The following FOXP2 variants were observed in gnomAD, a reference collection of about 807,000 sequenced individuals.
The protein encoded by FOXP2 is forkhead box protein P2.
FOXP2 carries 12 observed loss-of-function variants against 115.8 expected under a neutral mutation model. That is an observed-to-expected ratio of 0.10 (90% CI 0.07 to 0.17). FOXP2 has a LOEUF of 0.17. Ranked by LOEUF, FOXP2 falls within the 10% of genes least tolerant of loss-of-function variation. The pLI is 1.00. For synonymous variants in FOXP2, 328 were observed against 297.7 expected (o/e 1.10, Z -1.05); for missense variants, 629 against 843.5 (o/e 0.75, Z 3.15).
chr7:114,158,648 T>A (rs978040098), upstream of FOXP2, among the ~76,000 whole-genome samples: 1 of 152,174 alleles, frequency 6.6e-6, no homozygotes, highest in Admixed American at 6.6e-5. Flanking sequence ...CCTTATGTTG[T>A]ATGTGATATT....
chr7:114,653,496 G>A (rs1000405334), intron 9 of FOXP2: 1 of 265,376 alleles, frequency 3.8e-6, no homozygotes, highest in Admixed American at 4.9e-5. Context: ...GACCTCAGTG[G>A]GAATGCATGA....
At chr7:114,233,426 C>T (rs1337200162) in intron 1 of FOXP2, among the ~76,000 whole-genome samples, 1 of 152,082 alleles carries the variant, frequency 6.6e-6, no homozygotes, top group East Asian at 1.9e-4. Flanking sequence ...AATGCATGCT[C>T]AAAAGTAGTT....
chr7:114,128,357 T>C (rs1397916495), intron 1 of FOXP2, among the ~76,000 whole-genome samples: 2 of 152,060 alleles, frequency 1.3e-5, no homozygotes, highest in Admixed American at 1.3e-4. Context: ...AGCAGTGAAA[T>C]TGACTTCAGG....
At chr7:114,651,969 A>G (rs1285418723) in intron 8 of FOXP2, among the ~76,000 whole-genome samples, 2 of 152,178 alleles carry the variant, frequency 1.3e-5, no homozygotes, top group Non-Finnish European at 2.9e-5. Context: ...TTGTAATAAC[A>G]GGTAAGCTTA....
At chr7:114,159,117 T>C (rs1047903981), upstream of FOXP2, among the ~76,000 whole-genome samples, 1 of 152,122 alleles carries the variant, frequency 6.6e-6, no homozygotes, top group Admixed American at 6.6e-5. Context: ...TAGAATGGTA[T>C]CTTGAGGAAA....
At chr7:114,526,625 A>T (rs919222669) in intron 2 of FOXP2, among the ~76,000 whole-genome samples, 7 of 152,152 alleles carry the variant, frequency 4.6e-5, no homozygotes, top group African/African-American at 1.7e-4. Flanking sequence ...CTCTCTGCAA[A>T]CTACTTCTAC....
chr7:114,480,540 CAT>C (rs781124823), intron 2 of FOXP2, among the ~76,000 whole-genome samples: 3 of 150,042 alleles, frequency 2.0e-5, no homozygotes, highest in Non-Finnish European at 4.5e-5. Context: ...TGCACACACA[CAT>C]AGACACATGT....
intron 2 of FOXP2, among the ~76,000 whole-genome samples, chr7:114,496,282 C>T (rs1205622889): frequency 2.0e-5 from 3 of 152,102 alleles, no homozygotes; most frequent in African/African-American, 7.2e-5. Context: ...TTACTACTAA[C>T]ATAATACTAT....
intron 2 of FOXP2, among the ~76,000 whole-genome samples, chr7:114,492,098 T>C (rs1241888377): frequency 2.6e-5 from 4 of 152,190 alleles, no homozygotes; most frequent in African/African-American, 9.7e-5. Flanking sequence ...AGTCTGTTAT[T>C]GGTCTATTCA....
At chr7:114,419,650 T>C (rs1793522357) in intron 1 of FOXP2, among the ~76,000 whole-genome samples, 1 of 151,724 alleles carries the variant, frequency 6.6e-6, no homozygotes, top group South Asian at 2.1e-4. Context: ...AAGAATAACG[T>C]ATAAACTATT....
intron 1 of FOXP2, among the ~76,000 whole-genome samples, chr7:114,251,190 G>T (rs552166519): frequency 1.3e-5 from 2 of 152,122 alleles, no homozygotes; most frequent in African/African-American, 4.8e-5. Flanking sequence ...TGCTGTTTTG[G>T]TTACTGTAGC....
rs1459814169 is a variant in FOXP2 at position 114,693,182 on chromosome 7, T to G, written c.*3256T>G. The G allele has an allele frequency of 4.4e-6, 2 of 453,292 alleles. No individual in the cohort carries two copies. Among genetic ancestry groups the G allele is most frequent in the Non-Finnish European group, 8.8e-6 (2 of 226,490 alleles). The allele number at this position is 453,292 out of a possible 1,614,324, so 28.1% of individuals were successfully genotyped here. A position where few individuals can be genotyped will look rare whatever the true frequency, so the allele number is the denominator to read the frequency against. ...AAATTTTATGTGAATGTTACAAGTA[T>G]TTGGTAGAATTACCACTAACTGGGT... On this transcript the variant is annotated 3_prime_UTR_variant, in exon 17 of 17. Transcript: ENST00000350908.
chr7:114,549,788 TAAA>T (rs58729874), intron 3 of FOXP2, among the ~76,000 whole-genome samples: 1 of 151,122 alleles, frequency 6.6e-6, no homozygotes, highest in African/African-American at 2.4e-5. Context: ...TCTTTCAAAT[TAAA>T]AAAAAATAGT....
intron 2 of FOXP2, among the ~76,000 whole-genome samples, chr7:114,381,489 G>T (rs1448773671): frequency 4.6e-5 from 7 of 152,170 alleles, no homozygotes; most frequent in Non-Finnish European, 1.5e-5. Flanking sequence ...AACCCTTGGG[G>T]TAAAACAGTC....
chr7:114,286,874 A>G (rs961362504), intron 1 of FOXP2, among the ~76,000 whole-genome samples: 1 of 152,024 alleles, frequency 6.6e-6, no homozygotes, highest in African/African-American at 2.4e-5. Context: ...CGTGATTGTT[A>G]ATTGGCCCTG....
chr7:114,234,836 T>C (rs1371853141), intron 1 of FOXP2, among the ~76,000 whole-genome samples: 3 of 152,204 alleles, frequency 2.0e-5, no homozygotes, highest in Non-Finnish European at 4.4e-5. Flanking sequence ...TCGTAGATCA[T>C]ATGTCTCTAC....
chr7:114,203,404 C>T (rs1336535258), intron 1 of FOXP2, among the ~76,000 whole-genome samples: 1 of 152,220 alleles, frequency 6.6e-6, no homozygotes, highest in African/African-American at 2.4e-5. Context: ...GCTATCTCAG[C>T]TCACTGCAAC....
rs1236308019 is a variant in FOXP2 at position 114,644,785 on chromosome 7, T to C, written c.1090T>C (p.Leu364=). Residue 364 remains leucine (L), a synonymous_variant, in exon 8 of 17, where the codon TTA becomes CTA. Coordinates refer to ENST00000350908, the MANE Select transcript of FOXP2 (RefSeq NM_014491.4). ...ESICEDFGQF[L]KHLNNEHALD... ...CATTTGTGAAGATTTTGGACAGTTT[T>C]TAAAGTAGGTTTTTTACTTTTTTTT... 2 of 1,613,486 alleles carry C rather than the reference T, an allele frequency of 1.2e-6. No homozygotes were observed. Among genetic ancestry groups the C allele is most frequent in the African/African-American group, 1.3e-5 (1 of 74,850 alleles).
intron 2 of FOXP2, among the ~76,000 whole-genome samples, chr7:114,493,320 G>T (rs1797156748): frequency 6.6e-6 from 1 of 152,030 alleles, no homozygotes; most frequent in African/African-American, 2.4e-5. Flanking sequence ...CGTGAGATGG[G>T]TTTCCTGAAT....
Sources: allele counts gnomAD v4.1 joint callset (sites outside exome capture counted in the v4.1 genomes callset), GRCh38; gene constraint gnomAD v4.1.1; transcripts MANE v1.5; gene names NCBI Gene and HGNC (gene_info 2026-07-23, HGNC 2026-07-21).